Variants in CSMD1 observed in about 807,000 individuals in gnomAD.
CSMD1 encodes the protein CUB and Sushi multiple domains 1.
In CSMD1, 213 loss-of-function variants were observed where a neutral mutation model predicts 417.5. The observed-to-expected ratio is 0.51, with a 90% CI of 0.46 to 0.57. The LOEUF (loss-of-function observed/expected upper bound fraction) is 0.57, where lower values mean the gene tolerates loss of function less well. Among genes scored for constraint, CSMD1 ranks in the 20% least tolerant of loss-of-function variants. The probability of loss-of-function intolerance (pLI) is 0.00; values close to 1 mark genes in which losing one functional copy is unlikely to be tolerated. For synonymous variants in CSMD1, 2,862 were observed against 1,736.8 expected (o/e 1.65, Z -16.11); for missense variants, 6,923 against 4,529.7 (o/e 1.53, Z -15.17).
At chr8:3,224,884 T>G (rs995403924) in intron 27 of CSMD1, among the ~76,000 whole-genome samples, 3 of 152,238 alleles carry the variant, frequency 2.0e-5, no homozygotes, top group African/African-American at 7.2e-5. Context: ...ATACACATTT[T>G]AGATACATAC....
chr8:4,927,503 A>G (rs1034937293), intron 1 of CSMD1, among the ~76,000 whole-genome samples: 2 of 152,194 alleles, frequency 1.3e-5, no homozygotes, highest in African/African-American at 2.4e-5. Flanking sequence ...TAGCTCTGCG[A>G]TGCCAGTCCT....
At chr8:4,895,121 C>G (rs1296011546) in intron 1 of CSMD1, among the ~76,000 whole-genome samples, 1 of 152,124 alleles carries the variant, frequency 6.6e-6, no homozygotes, top group Non-Finnish European at 1.5e-5. Context: ...AGAGTTTTCA[C>G]TCAAAAATAC....
chr8:3,741,385 G>A (rs114167843), intron 6 of CSMD1, among the ~76,000 whole-genome samples: 1 of 152,120 alleles, frequency 6.6e-6, no homozygotes, highest in African/African-American at 2.4e-5. Context: ...TGTATCACAG[G>A]ATGGCATATA....
intron 7 of CSMD1, among the ~76,000 whole-genome samples, chr8:3,698,294 A>C (rs546314904): frequency 1.3e-5 from 2 of 152,302 alleles, no homozygotes; most frequent in South Asian, 4.1e-4. Context: ...AATCTACTAC[A>C]TTTGTTTTAT....
At chr8:3,110,450 G>C (rs1291878889) in intron 42 of CSMD1, 115 bp from the exon 43 acceptor site, 2 of 792,868 alleles carry the variant, frequency 2.5e-6, no homozygotes, top group Non-Finnish European at 3.7e-6. Context: ...GGAAATAGGT[G>C]TGAAATATTT....
intron 3 of CSMD1, among the ~76,000 whole-genome samples, chr8:4,220,513 A>G (rs1800963066): frequency 6.6e-6 from 1 of 152,214 alleles, no homozygotes; most frequent in Non-Finnish European, 1.5e-5. Context: ...ATCTAATCCT[A>G]GTGCAAGAGT....
At chr8:4,867,832 C>T (rs1247154229) in intron 1 of CSMD1, among the ~76,000 whole-genome samples, 1 of 152,030 alleles carries the variant, frequency 6.6e-6, no homozygotes, top group Non-Finnish European at 1.5e-5. Context: ...CAACATTTAA[C>T]AGAGTGTAAA....
chr8:4,395,156 C>G (rs890088685), intron 3 of CSMD1, among the ~76,000 whole-genome samples: 3 of 152,178 alleles, frequency 2.0e-5, no homozygotes, highest in African/African-American at 7.2e-5. Flanking sequence ...TGTCCTCTGA[C>G]ACTCCCTTAG....
At chr8:4,340,024 C>G (rs927949213) in intron 3 of CSMD1, among the ~76,000 whole-genome samples, 2 of 151,920 alleles carry the variant, frequency 1.3e-5, no homozygotes, top group Non-Finnish European at 2.9e-5. Flanking sequence ...GCACTTCTAG[C>G]GAAAATTATG....
chr8:3,601,508 C>A (rs1320813398), intron 8 of CSMD1, among the ~76,000 whole-genome samples: 2 of 152,148 alleles, frequency 1.3e-5, no homozygotes, highest in Admixed American at 6.5e-5. Flanking sequence ...CAATGGTTAC[C>A]AACCTCGCTT....
At position 4,637,486 on chromosome 8, in the gene CSMD1, G is replaced by C; in HGVS notation, c.158C>G (p.Pro53Arg). The C allele has an allele frequency of 2.5e-6, 4 of 1,613,720 alleles. No individual in the cohort carries two copies. Among genetic ancestry groups the C allele is most frequent in the Non-Finnish European group, 3.4e-6 (4 of 1,179,844 alleles). ...GATCCAGGTGCAGTTGGCATAGTTC[G>C]GATACCCGTGAGGAAACCCTGGGCT... ...IESPGFPHGY[P>R]NYANCTWIII... Residue 53 changes from proline (P) to arginine (R), a missense_variant, in exon 2 of 70, where the codon CCG becomes CGG. Coordinates refer to ENST00000635120, the MANE Select transcript of CSMD1 (RefSeq NM_033225.6).
At chr8:4,044,763 T>C (rs145790815) in intron 3 of CSMD1, among the ~76,000 whole-genome samples, 4 of 150,024 alleles carry the variant, frequency 2.7e-5, no homozygotes, top group South Asian at 2.1e-4. Flanking sequence ...CCTGGCCACA[T>C]AGCACCCTAG....
chr8:4,491,018 T>C (rs1222368365), intron 2 of CSMD1, among the ~76,000 whole-genome samples: 1 of 151,976 alleles, frequency 6.6e-6, no homozygotes, highest in Non-Finnish European at 1.5e-5. Context: ...GCTAGGGACA[T>C]GTAGGCAGCT....
intron 5 of CSMD1, among the ~76,000 whole-genome samples, chr8:3,851,581 A>G (rs1259320392): frequency 5.9e-5 from 9 of 152,214 alleles, no homozygotes; most frequent in African/African-American, 2.2e-4. Context: ...CTGCAGGCCA[A>G]GGGAGGGCAG....
At chr8:3,807,612 ATTGTGTTTCAG>A (rs1458200251) in intron 5 of CSMD1, among the ~76,000 whole-genome samples, 1 of 152,184 alleles carries the variant, frequency 6.6e-6, no homozygotes, top group Non-Finnish European at 1.5e-5. Flanking sequence ...AAATAACATA[ATTGTGTTTCAG>A]TTGTGTTTTC....
At chr8:3,414,946 C>T (rs1207923214) in intron 12 of CSMD1, among the ~76,000 whole-genome samples, 1 of 152,126 alleles carries the variant, frequency 6.6e-6, no homozygotes, top group Admixed American at 6.6e-5. Context: ...ACCTGTCACT[C>T]TGCATTATAT....
intron 5 of CSMD1, among the ~76,000 whole-genome samples, chr8:3,983,191 C>G (rs533315574): frequency 1.4e-5 from 2 of 145,552 alleles, no homozygotes; most frequent in Non-Finnish European, 1.5e-5. Context: ...AGTGCAGTGG[C>G]GCGATCTCAG....
chr8:3,934,950 A>G (rs963367247), intron 5 of CSMD1, among the ~76,000 whole-genome samples: 4 of 152,178 alleles, frequency 2.6e-5, no homozygotes, highest in African/African-American at 9.6e-5. Context: ...TAAAAGTAAT[A>G]TTTACAAAAA....
intron 3 of CSMD1, among the ~76,000 whole-genome samples, chr8:4,366,231 A>G (rs1802061436): frequency 6.8e-6 from 1 of 148,080 alleles, no homozygotes; most frequent in Non-Finnish European, 1.5e-5. Context: ...AACTGCATCC[A>G]TGTAGCTGCA....
Sources: gnomAD v4.1 joint callset for allele counts (sites outside exome capture counted in the v4.1 genomes callset) on GRCh38, gnomAD v4.1.1 for gene constraint, MANE v1.5 for transcripts, NCBI Gene and HGNC (gene_info 2026-07-23, HGNC 2026-07-21) for gene names.